The following CFAP61 variants were observed in gnomAD, a reference collection of about 807,000 sequenced individuals.
The protein encoded by CFAP61 is cilia and flagella associated protein 61.
CFAP61 carries 107 observed loss-of-function variants against 135.6 expected under a neutral mutation model. That is an observed-to-expected ratio of 0.79 (90% confidence interval 0.67 to 0.93). The LOEUF is 0.93. CFAP61 is among the 40% of genes least tolerant of loss of function. The pLI, the probability that CFAP61 is intolerant of heterozygous loss-of-function variation, is 0.00. For missense variants in CFAP61, 1,507 were observed against 1,556.2 expected, an observed-to-expected ratio of 0.97 and a Z score of 0.53; for synonymous variants, 575 against 578.5, an observed-to-expected ratio of 0.99 and a Z score of 0.09.
At chr20:20,165,816 A>G (rs544836805) in intron 11 of CFAP61, among the ~76,000 whole-genome samples, 56 of 152,266 alleles carry the variant, frequency 3.7e-4, no homozygotes, top group Middle Eastern at 6.8e-3. Flanking sequence ...TTTAGCTTCT[A>G]TGGAGATCTG....
chr20:20,320,011 A>G (rs2057358124), intron 25 of CFAP61, among the ~76,000 whole-genome samples: 1 of 152,134 alleles, frequency 6.6e-6, no homozygotes, highest in Non-Finnish European at 1.5e-5. Flanking sequence ...CCGAGAGGAT[A>G]GAGGAACATG....
intron 6 of CFAP61, among the ~76,000 whole-genome samples, chr20:20,088,415 A>G (rs1331685625): frequency 6.6e-6 from 1 of 152,170 alleles, no homozygotes; most frequent in Non-Finnish European, 1.5e-5. Context: ...TCATGGTGGA[A>G]GGGGAAGCAA....
chr20:20,182,804 C>A (rs2055200830), intron 13 of CFAP61, among the ~76,000 whole-genome samples: 2 of 152,142 alleles, frequency 1.3e-5, no homozygotes, highest in Admixed American at 6.5e-5. Context: ...TGTTTGTTTG[C>A]TATGAGAATG....
chr20:20,256,692 G>T (rs2051618067), intron 20 of CFAP61, among the ~76,000 whole-genome samples: 1 of 152,294 alleles, frequency 6.6e-6, no homozygotes, highest in Admixed American at 6.5e-5. Context: ...GAGAAAACAG[G>T]GTCTGATAGG....
chr20:20,319,638 G>T (rs994381946), intron 25 of CFAP61, among the ~76,000 whole-genome samples: 23 of 152,176 alleles, frequency 1.5e-4, no homozygotes, highest in African/African-American at 5.6e-4. Flanking sequence ...TTCCTGTATA[G>T]CCTGTGCAAC....
intron 20 of CFAP61, among the ~76,000 whole-genome samples, chr20:20,254,864 T>G (rs914082503): frequency 7.2e-5 from 11 of 152,208 alleles, no homozygotes; most frequent in Admixed American, 2.0e-4. Flanking sequence ...CAAATGCACA[T>G]CGCTATTTCT....
At chr20:20,221,663 T>G (rs1255953595) in intron 17 of CFAP61, 1 of 152,218 alleles carries the variant, frequency 6.6e-6, no homozygotes, top group African/African-American at 2.4e-5. Flanking sequence ...AAAATTTTTT[T>G]GCATGTGTCT....
chr20:20,172,993 A>G (rs2054339328), intron 13 of CFAP61, among the ~76,000 whole-genome samples: 1 of 152,196 alleles, frequency 6.6e-6, no homozygotes, highest in South Asian at 2.1e-4. Context: ...TACTGTCGCC[A>G]TAATTTTACA....
chr20:20,070,634 C>T (rs2045638572), intron 2 of CFAP61, among the ~76,000 whole-genome samples: 1 of 152,190 alleles, frequency 6.6e-6, no homozygotes, highest in Non-Finnish European at 1.5e-5. Flanking sequence ...TAATACCTTT[C>T]TAATGAAATG....
In CFAP61 at chr20:20,301,592, T is replaced by C. The variant is rs538159075; in HGVS notation, c.3422+3206T>C. On this transcript the variant is annotated intron_variant, in intron 25 of 26. Transcript: ENST00000245957. Reference sequence around the variant, plus strand: ...CTAGTGGCATACAAAGGTATCCTCCTAGGGCTTTAATGTGCTTTTCCCCAC... The same window carrying C: ...CTAGTGGCATACAAAGGTATCCTCCCAGGGCTTTAATGTGCTTTTCCCCAC... Among the ~76,000 whole-genome samples the C allele has an allele frequency of 3.9e-5, 6 of 152,338 alleles. No homozygotes were observed. In the South Asian group the frequency reaches 1.2e-3, roughly 32 times the overall value.
intron 17 of CFAP61, 140 bp from the exon 18 acceptor site, chr20:20,228,109 G>A (rs2048871774): frequency 6.8e-6 from 4 of 584,322 alleles, no homozygotes; most frequent in Non-Finnish European, 1.1e-5. Flanking sequence ...TGCATTTTAT[G>A]GTGGCTGTAC....
At chr20:20,180,168 T>C (rs956494110) in intron 13 of CFAP61, among the ~76,000 whole-genome samples, 2 of 151,840 alleles carry the variant, frequency 1.3e-5, no homozygotes, top group Admixed American at 6.6e-5. Flanking sequence ...TAAACAAATT[T>C]ACAAGGGAAA....
At chr20:20,164,851 C>T (rs1005052554) in intron 11 of CFAP61, among the ~76,000 whole-genome samples, 2 of 152,044 alleles carry the variant, frequency 1.3e-5, no homozygotes, top group Non-Finnish European at 2.9e-5. Flanking sequence ...GGAGGCCTCA[C>T]GATCATAGGG....
chr20:20,201,819 T>C (rs922684605), intron 17 of CFAP61, among the ~76,000 whole-genome samples: 11 of 152,228 alleles, frequency 7.2e-5, no homozygotes, highest in African/African-American at 1.9e-4. Flanking sequence ...CTGACACTTA[T>C]ACTTCAGTGG....
At chr20:20,198,354 T>C (rs968560432) in intron 16 of CFAP61, among the ~76,000 whole-genome samples, 1 of 152,212 alleles carries the variant, frequency 6.6e-6, no homozygotes, top group Non-Finnish European at 1.5e-5. Context: ...TTAGAGAAAG[T>C]CCATTTGCAT....
chr20:20,138,392 G>GT (rs571168585), intron 8 of CFAP61, among the ~76,000 whole-genome samples: 75 of 152,332 alleles, frequency 4.9e-4, no homozygotes, highest in Non-Finnish European at 9.4e-4. Flanking sequence ...CAGAACTCAG[G>GT]TTCCAACCAG....
At position 20,242,792 on chromosome 20, in the gene CFAP61, T is replaced by G. The variant is rs568863995; in HGVS notation, c.2061-3325T>G. Among the ~76,000 whole-genome samples, 4 of 152,338 alleles carry G rather than the reference T, an allele frequency of 2.6e-5. 1 individual carries two copies. In the South Asian group the frequency reaches 8.3e-4, roughly 32 times the overall value. ...CTAGAATTTCCTCGCAGATGACACT[T>G]TTTGGTATCCTGATTTGAGTAACTG... is the stretch of plus-strand genomic sequence containing the variant. On this transcript the variant is annotated intron_variant, in intron 18 of 26. Coordinates refer to ENST00000245957, the MANE Select transcript of CFAP61 (RefSeq NM_015585.4).
At chr20:20,338,154 C>T (rs2058311291) in intron 25 of CFAP61, among the ~76,000 whole-genome samples, 1 of 152,206 alleles carries the variant, frequency 6.6e-6, no homozygotes, top group African/African-American at 2.4e-5. Flanking sequence ...CAGCTATGCT[C>T]CATCCTCTGG....
intron 24 of CFAP61, among the ~76,000 whole-genome samples, chr20:20,297,204 G>A (rs73116457): frequency 9.9e-5 from 15 of 152,250 alleles, no homozygotes; most frequent in South Asian, 2.1e-4. Context: ...AAGTTAAACC[G>A]TGTGTCCTTT....
Sources: gnomAD v4.1 joint callset for allele counts (sites outside exome capture counted in the v4.1 genomes callset) on GRCh38, gnomAD v4.1.1 for gene constraint, MANE v1.5 for transcripts, NCBI Gene and HGNC (gene_info 2026-07-23, HGNC 2026-07-21) for gene names.